Variants in SMS observed in about 807,000 individuals in gnomAD.
SMS encodes spermidine aminopropyltransferase.
SMS carries 3 observed loss-of-function variants against 33.0 expected under a neutral mutation model. The observed-to-expected ratio is 0.09, with a 90% CI of 0.04 to 0.23. The LOEUF (loss-of-function observed/expected upper bound fraction) is 0.23, where lower values mean the gene tolerates loss of function less well. Ranked by LOEUF, SMS falls within the 10% of genes least tolerant of loss-of-function variation. SMS has a pLI of 1.00. For synonymous variants in SMS, 103 were observed against 112.2 expected (o/e 0.92, Z 0.52); for missense variants, 117 against 288.6 (o/e 0.41, Z 4.31).
intron 4 of SMS, 41 bp from the exon 5 acceptor site, chrX:21,977,020 G>A (rs1359713101): frequency 1.7e-6 from 2 of 1,152,930 alleles, no homozygotes; most frequent in South Asian, 3.6e-5. Context: ...TTGTAAGGCA[G>A]TGTTCTAGTA....
At chrX:21,982,099 T>C (rs1056583793) in intron 7 of SMS, among the ~76,000 whole-genome samples, 6 of 109,466 alleles carry the variant, frequency 5.5e-5, no homozygotes, top group Non-Finnish European at 9.5e-5. Flanking sequence ...TTTGGGAGGC[T>C]GAGGTGGGCG....
intron 1 of SMS, among the ~76,000 whole-genome samples, chrX:21,962,094 T>C (rs1191590772): frequency 2.7e-5 from 3 of 112,175 alleles, no homozygotes; most frequent in Non-Finnish European, 5.6e-5. Flanking sequence ...CAAGGGATTG[T>C]ATTGCCCCTC....
Position 21,961,719 on chromosome X carries a change from G to A in SMS, c.50-5477G>A, listed in dbSNP as rs531806596. On this transcript the variant is annotated intron_variant, in intron 1 of 10. Coordinates refer to ENST00000404933, the MANE Select transcript of SMS (RefSeq NM_004595.5). ...GAACAAACACACAAAGTAGGCAGTGGGCTGGAAATGGGGACATTGCGTTGT... is the reference window on the plus strand; with the variant it reads ...GAACAAACACACAAAGTAGGCAGTGAGCTGGAAATGGGGACATTGCGTTGT... 1.2e-4 allele frequency among the ~76,000 whole-genome samples: 13 copies of A among 111,848 alleles called. No individual in the cohort carries two copies. The South Asian group carries it at 4.9e-3, about 42-fold the overall frequency.
intron 1 of SMS, among the ~76,000 whole-genome samples, chrX:21,959,176 G>A (rs755150122): frequency 4.0e-4 from 45 of 112,497 alleles, no homozygotes; most frequent in African/African-American, 1.3e-3. Flanking sequence ...GCATGCCAAA[G>A]GACCACCTGC....
chrX:21,980,165 G>A (rs918862069), intron 7 of SMS, among the ~76,000 whole-genome samples: 5 of 109,621 alleles, frequency 4.6e-5, no homozygotes, highest in Non-Finnish European at 9.5e-5. Flanking sequence ...AACTTAATTC[G>A]TTAGGTGAAT....
chrX:21,946,262 C>T (rs981451150), intron 1 of SMS, among the ~76,000 whole-genome samples: 5 of 112,189 alleles, frequency 4.5e-5, no homozygotes, highest in African/African-American at 9.7e-5. Context: ...TGAGACAGCC[C>T]GTTCCTTTTA....
intron 9 of SMS, among the ~76,000 whole-genome samples, chrX:21,987,185 T>C (rs1244266735): frequency 9.0e-6 from 1 of 110,953 alleles, no homozygotes; most frequent in Non-Finnish European, 1.9e-5. Flanking sequence ...TTAGTAGAGA[T>C]GGAGTTTCTC....
chrX:21,956,459 T>A (rs183895099), intron 1 of SMS, among the ~76,000 whole-genome samples: 33 of 109,790 alleles, frequency 3.0e-4, no homozygotes, highest in South Asian at 1.2e-3. Flanking sequence ...AATTTTTTTT[T>A]ATTTTTATTT....
At chrX:21,972,093 T>G in intron 3 of SMS, 103 bp downstream of exon 3, 1 of 608,574 alleles carries the variant, frequency 1.6e-6, no homozygotes, top group Non-Finnish European at 2.7e-6. Flanking sequence ...CCAGTTAATT[T>G]TAAACTTTCC....
chrX:21,949,963 A>T (rs1051894444), intron 1 of SMS, among the ~76,000 whole-genome samples: 5 of 108,141 alleles, frequency 4.6e-5, no homozygotes, highest in African/African-American at 1.7e-4. Context: ...AAAAAAAAAA[A>T]TCCAAAACAC....
chrX:21,971,751 A>C (rs1428116596), intron 2 of SMS, 146 bp from the exon 3 acceptor site: 1 of 489,419 alleles, frequency 2.0e-6, no homozygotes, highest in East Asian at 3.7e-5. Context: ...ACGCAGCCCT[A>C]GTAAGAAAGC....
intron 4 of SMS, among the ~76,000 whole-genome samples, chrX:21,973,958 C>T (rs1569350080): frequency 8.9e-6 from 1 of 112,982 alleles, no homozygotes; most frequent in Non-Finnish European, 1.9e-5. Context: ...GCTTTGGATA[C>T]ACAGCATGCA....
At chrX:21,983,456 G>A (rs1268297992) in intron 7 of SMS, among the ~76,000 whole-genome samples, 3 of 110,566 alleles carry the variant, frequency 2.7e-5, no homozygotes, top group African/African-American at 9.9e-5. Flanking sequence ...GTTTAGTTCA[G>A]GATGTTGCTT....
At chrX:21,965,604 C>T (rs868757157) in intron 1 of SMS, among the ~76,000 whole-genome samples, 166 of 49,272 alleles carry the variant, frequency 3.4e-3, no homozygotes, top group African/African-American at 0.03. Context: ...AAAAAAAAGC[C>T]GGGCGTGGTG....
chrX:21,989,878 G>T (rs750038694), intron 9 of SMS, among the ~76,000 whole-genome samples: 6 of 110,683 alleles, frequency 5.4e-5, no homozygotes, highest in Admixed American at 9.7e-5. Context: ...GAGTAGCTGG[G>T]ATTACAGGTG....
At chrX:21,962,176 T>A (rs957706336) in intron 1 of SMS, among the ~76,000 whole-genome samples, 1 of 111,735 alleles carries the variant, frequency 8.9e-6, no homozygotes, top group Non-Finnish European at 1.9e-5. Context: ...ATTTAGTGGG[T>A]ATGGCTGGGG....
At chrX:21,949,971 C>G (rs1194813814) in intron 1 of SMS, among the ~76,000 whole-genome samples, 3 of 110,387 alleles carry the variant, frequency 2.7e-5, no homozygotes, top group African/African-American at 6.6e-5. Flanking sequence ...AAATCCAAAA[C>G]ACTTTCGGTC....
At chrX:21,960,709 C>T (rs2040357) in intron 1 of SMS, among the ~76,000 whole-genome samples, 49,425 of 110,642 alleles carry the variant, frequency 0.45, 9,449 homozygotes, top group African/African-American at 0.75. Context: ...CAGAGGACAA[C>T]GTCAAGGCTC....
intron 1 of SMS, among the ~76,000 whole-genome samples, chrX:21,956,303 G>A (rs67007557): frequency 0.17 from 18,725 of 110,440 alleles, 2,672 homozygotes; most frequent in African/African-American, 0.47. Context: ...AATTTTTCAC[G>A]CCACTGTCTC....
Sources: gnomAD v4.1 joint callset for allele counts (sites outside exome capture counted in the v4.1 genomes callset) on GRCh38, gnomAD v4.1.1 for gene constraint, MANE v1.5 for transcripts, NCBI Gene and HGNC (gene_info 2026-07-23, HGNC 2026-07-21) for gene names.